CHCHD3: variants seen among roughly 807,000 people sequenced by gnomAD.
CHCHD3 encodes MICOS complex subunit MIC19.
CHCHD3 carries 20 observed loss-of-function variants against 38.2 expected under a neutral mutation model. The ratio of observed to expected loss-of-function variants is 0.52; its 90% CI spans 0.37 to 0.76. The LOEUF is 0.76. Among genes scored for constraint, CHCHD3 ranks in the 30% least tolerant of loss-of-function variants. The pLI is 0.00. For synonymous variants in CHCHD3, 82 were observed against 100.0 expected (o/e 0.82, Z 1.07); for missense variants, 245 against 279.2 (o/e 0.88, Z 0.87).
intron 4 of CHCHD3, among the ~76,000 whole-genome samples, chr7:132,901,869 T>C (rs1446182966): frequency 6.6e-6 from 1 of 152,208 alleles, no homozygotes; most frequent in African/African-American, 2.4e-5. Context: ...CTTTTGGTGT[T>C]TTAGTCATGA....
chr7:133,035,005 C>T lies in CHCHD3; in HGVS notation c.170-10378G>A, dbSNP rs749333017. On this transcript the variant is annotated intron_variant, in intron 2 of 7. Transcript: ENST00000262570. This position sits in a 1 kb window ranked among gnomAD's most constrained non-coding sequence, Gnocchi z 4.7. ...AAGTGCTCCCAGAAATATGGCAGTG[C>T]CACAGAGAGTGTGTCCTCATTGGAG... 18 of 1,610,792 alleles carry T rather than the reference C, an allele frequency of 1.1e-5. No individual in the cohort carries two copies. Among genetic ancestry groups the T allele is most frequent in the Non-Finnish European group, 1.3e-5 (15 of 1,178,386 alleles).
chr7:133,036,295 C>T (rs901312110), intron 2 of CHCHD3, among the ~76,000 whole-genome samples: 5 of 152,068 alleles, frequency 3.3e-5, no homozygotes, highest in South Asian at 2.1e-4. Flanking sequence ...TTACACAGTT[C>T]ATAGGGAATT....
At chr7:132,967,827 C>CAA (rs11290365) in intron 4 of CHCHD3, among the ~76,000 whole-genome samples, 1 of 127,980 alleles carries the variant, frequency 7.8e-6, no homozygotes, top group African/African-American at 2.9e-5. Flanking sequence ...GACCCTGTCT[C>CAA]AAAAAAAAAA....
chr7:132,829,813 A>G (rs1011959635), intron 6 of CHCHD3, among the ~76,000 whole-genome samples: 13 of 152,110 alleles, frequency 8.5e-5, no homozygotes, highest in Non-Finnish European at 1.9e-4. Context: ...TGCATTTTGC[A>G]TTGTCTTTTT....
At chr7:132,879,673 T>C (rs1036952026) in intron 5 of CHCHD3, among the ~76,000 whole-genome samples, 4 of 107,070 alleles carry the variant, frequency 3.7e-5, no homozygotes, top group Non-Finnish European at 5.1e-5. Flanking sequence ...CACACAACGA[T>C]CCAAACTCTG....
chr7:132,922,236 G>A (rs1810279393), intron 4 of CHCHD3, among the ~76,000 whole-genome samples: 1 of 152,084 alleles, frequency 6.6e-6, no homozygotes, highest in Admixed American at 6.5e-5. Context: ...ACAAAGGGCG[G>A]GTACAGCACA....
intron 4 of CHCHD3, among the ~76,000 whole-genome samples, chr7:132,886,642 G>A (rs986335432): frequency 1.3e-5 from 2 of 150,682 alleles, no homozygotes; most frequent in African/African-American, 4.9e-5. Context: ...GTATATATAT[G>A]TGTATATATG....
intron 4 of CHCHD3, among the ~76,000 whole-genome samples, chr7:132,956,710 C>T (rs931430275): frequency 6.6e-6 from 1 of 152,142 alleles, no homozygotes; most frequent in Admixed American, 6.5e-5. Context: ...TTGTAACAGT[C>T]GTCTTGAAGA....
intron 4 of CHCHD3, among the ~76,000 whole-genome samples, chr7:132,969,524 A>G (rs577463875): frequency 6.6e-6 from 1 of 152,152 alleles, no homozygotes; most frequent in Non-Finnish European, 1.5e-5. Flanking sequence ...CGTTTTTTAC[A>G]TTGATTGCTA....
intron 2 of CHCHD3, among the ~76,000 whole-genome samples, chr7:133,041,996 G>A (rs983642604): frequency 1.3e-5 from 2 of 152,142 alleles, no homozygotes; most frequent in Non-Finnish European, 1.5e-5. Flanking sequence ...GGTAAAATAC[G>A]AATACATAAG....
At chr7:132,819,383 A>G (rs950390649) in intron 6 of CHCHD3, among the ~76,000 whole-genome samples, 2 of 152,164 alleles carry the variant, frequency 1.3e-5, no homozygotes, top group African/African-American at 4.8e-5. Flanking sequence ...AAATGCACAC[A>G]CACGAGAAAA....
chr7:132,934,498 T>C (rs1202991478), intron 4 of CHCHD3, among the ~76,000 whole-genome samples: 1 of 152,210 alleles, frequency 6.6e-6, no homozygotes, highest in Non-Finnish European at 1.5e-5. Flanking sequence ...GCTTACCTGA[T>C]TCTGAAACCA....
chr7:133,037,731 C>G (rs1813718501), intron 2 of CHCHD3, among the ~76,000 whole-genome samples: 1 of 152,172 alleles, frequency 6.6e-6, no homozygotes, highest in Non-Finnish European at 1.5e-5. Flanking sequence ...GAGAATTGCT[C>G]AAACCCGGGA....
intron 1 of CHCHD3, among the ~76,000 whole-genome samples, chr7:133,080,210 G>GA (rs1180685486): frequency 1.3e-5 from 2 of 151,822 alleles, no homozygotes; most frequent in African/African-American, 2.4e-5. Context: ...TATAAGAAAG[G>GA]AAAAAAATGA....
intron 6 of CHCHD3, among the ~76,000 whole-genome samples, chr7:132,814,672 C>T (rs923370784): frequency 1.3e-4 from 20 of 152,220 alleles, no homozygotes; most frequent in African/African-American, 4.8e-4. Flanking sequence ...ATCATAAAAT[C>T]ACAGTATGTG....
At chr7:132,995,314 G>A (rs963477259) in intron 3 of CHCHD3, among the ~76,000 whole-genome samples, 5 of 152,130 alleles carry the variant, frequency 3.3e-5, no homozygotes, top group African/African-American at 1.2e-4. Flanking sequence ...AAACACCCAT[G>A]AAGCCATCAC....
intron 4 of CHCHD3, among the ~76,000 whole-genome samples, chr7:132,933,925 G>A (rs1810575084): frequency 6.6e-6 from 1 of 152,182 alleles, no homozygotes; most frequent in South Asian, 2.1e-4. Context: ...CTGGGTTGTG[G>A]GTGGATGTCA....
In CHCHD3 at chr7:132,794,613, G is replaced by A. The variant is rs116803050; in HGVS notation, c.660+1829C>T. On this transcript the variant is annotated intron_variant, in intron 7 of 7. Transcript: ENST00000262570. The stretch of plus-strand genomic sequence containing the variant: ...TACACCTCCTAATAACTGAATATAA[G>A]AGCCACGAAAACAATAGATACTCCA... Among the ~76,000 whole-genome samples the A allele has an allele frequency of 2.9e-3, 447 of 152,170 alleles. 1 individual carries two copies. Among genetic ancestry groups the A allele is most frequent in the African/African-American group, 0.01 (429 of 41,502 alleles).
intron 6 of CHCHD3, among the ~76,000 whole-genome samples, chr7:132,821,857 G>A (rs931820133): frequency 6.8e-6 from 1 of 147,992 alleles, no homozygotes. Context: ...CCGCTTCCCG[G>A]GTTCACGCCA....
Sources: gnomAD v4.1 joint callset for allele counts (sites outside exome capture counted in the v4.1 genomes callset) on GRCh38, gnomAD v4.1.1 for gene constraint, Gnocchi (gnomAD v3.1) non-coding constraint, MANE v1.5 for transcripts, NCBI Gene and HGNC (gene_info 2026-07-23, HGNC 2026-07-21) for gene names.